The following IL1RAPL1 variants were observed in gnomAD, a reference collection of about 807,000 sequenced individuals.
IL1RAPL1 encodes interleukin 1 receptor accessory protein like 1.
Under a neutral mutation model 48.4 loss-of-function variants are expected in IL1RAPL1, and 3 were observed. The ratio of observed to expected loss-of-function variants is 0.06; its 90% confidence interval spans 0.03 to 0.16. The LOEUF is 0.16. IL1RAPL1 is among the 10% of genes least tolerant of loss of function. IL1RAPL1 has a pLI of 1.00. For missense variants in IL1RAPL1, 349 were observed against 530.6 expected, an observed-to-expected ratio of 0.66 and a Z score of 3.36; for synonymous variants, 185 against 187.7, an observed-to-expected ratio of 0.99 and a Z score of 0.12.
At chrX:29,620,151 C>G (rs781560739) in intron 5 of IL1RAPL1, among the ~76,000 whole-genome samples, 20 of 111,662 alleles carry the variant, frequency 1.8e-4, no homozygotes, top group African/African-American at 5.8e-4. Flanking sequence ...CTTATCATAT[C>G]AAAATTTCTC....
At chrX:29,313,680 C>T (rs1009385291) in intron 3 of IL1RAPL1, among the ~76,000 whole-genome samples, 1 of 111,625 alleles carries the variant, frequency 9.0e-6, no homozygotes, top group African/African-American at 3.3e-5. Flanking sequence ...ATTAGGGAGG[C>T]AATGCATAGT....
chrX:29,894,296 G>A (rs748229058), intron 6 of IL1RAPL1, among the ~76,000 whole-genome samples: 8 of 112,124 alleles, frequency 7.1e-5, no homozygotes, highest in East Asian at 2.8e-4. Flanking sequence ...GAGAAAGAAC[G>A]TTGAAAATTC....
chrX:28,809,678 G>A (rs5985914), intron 2 of IL1RAPL1, among the ~76,000 whole-genome samples: 8,703 of 110,148 alleles, frequency 0.079, 590 homozygotes, highest in African/African-American at 0.22. Context: ...AGAATTAGCC[G>A]TGGCCCCTTA....
intron 3 of IL1RAPL1, among the ~76,000 whole-genome samples, chrX:29,297,965 A>G (rs774166514): frequency 1.4e-4 from 16 of 111,988 alleles, no homozygotes; most frequent in African/African-American, 3.2e-5. Flanking sequence ...CTGTGTTTCT[A>G]TTCTTGACTC....
intron 2 of IL1RAPL1, among the ~76,000 whole-genome samples, chrX:29,113,110 C>A (rs150712763): frequency 0.011 from 1,270 of 111,710 alleles, 9 homozygotes; most frequent in Non-Finnish European, 0.017. Flanking sequence ...CGTGCCCAGT[C>A]AGCATGTCAA....
At position 29,956,108 on chromosome X, in the gene IL1RAPL1, A is replaced by T; in HGVS notation, c.*288A>T. The T allele has an allele frequency of 3.2e-6, 1 of 309,038 alleles. No homozygotes were observed. The highest frequency in any genetic ancestry group is 5.6e-6 in the Non-Finnish European group (1 of 178,235). 25.5% of individuals were successfully genotyped at this position (309,038 alleles called of 1,213,427 possible). A position where few individuals can be genotyped will look rare whatever the true frequency, so the allele number is the denominator to read the frequency against. On this transcript the variant is annotated 3_prime_UTR_variant, in exon 11 of 11. Coordinates refer to ENST00000378993, the MANE Select transcript of IL1RAPL1 (RefSeq NM_014271.4). ...GAAGAGACTGATGTGTAGATAGAAA[A>T]CCCTTTTTTTGCTTCATTAGTTTAG...
chrX:29,615,451 G>T (rs751608813), intron 5 of IL1RAPL1, among the ~76,000 whole-genome samples: 1 of 110,886 alleles, frequency 9.0e-6, no homozygotes, highest in Non-Finnish European at 1.9e-5. Flanking sequence ...GGAGAAAAAA[G>T]TTCTCTGCTA....
intron 6 of IL1RAPL1, among the ~76,000 whole-genome samples, chrX:29,669,962 A>G (rs2147100621): frequency 9.0e-6 from 1 of 111,526 alleles, no homozygotes; most frequent in Non-Finnish European, 1.9e-5. Flanking sequence ...TCATAGGAAG[A>G]TGTATTTCTA....
intron 2 of IL1RAPL1, among the ~76,000 whole-genome samples, chrX:29,167,484 A>G (rs1929809380): frequency 9.1e-6 from 1 of 110,241 alleles, no homozygotes; most frequent in East Asian, 2.8e-4. Flanking sequence ...CCTGTCTTTT[A>G]AATTGCATTT....
At chrX:29,014,388 TG>T in intron 2 of IL1RAPL1, among the ~76,000 whole-genome samples, 1 of 111,724 alleles carries the variant, frequency 9.0e-6, no homozygotes, top group East Asian at 2.8e-4. Context: ...TCTAACTTTT[TG>T]AAGTCCCCTA....
At chrX:29,667,385 T>A (rs1926028106) in intron 5 of IL1RAPL1, among the ~76,000 whole-genome samples, 1 of 112,467 alleles carries the variant, frequency 8.9e-6, no homozygotes, top group African/African-American at 3.2e-5. Context: ...CTCTTGGCAA[T>A]TCTGCCTAGA....
intron 1 of IL1RAPL1, among the ~76,000 whole-genome samples, chrX:28,615,033 T>C (rs763015979): frequency 5.6e-4 from 61 of 109,191 alleles, no homozygotes; most frequent in African/African-American, 1.7e-3. Flanking sequence ...GGACTACAGG[T>C]GCCCGCCACC....
At chrX:29,372,832 A>G (rs1266278824) in intron 3 of IL1RAPL1, among the ~76,000 whole-genome samples, 7 of 70,870 alleles carry the variant, frequency 9.9e-5, no homozygotes, top group Non-Finnish European at 2.5e-5. Flanking sequence ...CTGTAGCCTT[A>G]TGGTATAGTT....
intron 2 of IL1RAPL1, among the ~76,000 whole-genome samples, chrX:29,123,499 G>A (rs1468286783): frequency 8.9e-6 from 1 of 112,029 alleles, no homozygotes; most frequent in East Asian, 2.8e-4. Flanking sequence ...CTAATAAATG[G>A]CATTATGACG....
At chrX:29,804,138 A>G (rs781694684) in intron 6 of IL1RAPL1, among the ~76,000 whole-genome samples, 1 of 111,503 alleles carries the variant, frequency 9.0e-6, no homozygotes, top group South Asian at 3.7e-4. Flanking sequence ...TGTGTCTACC[A>G]CTTTTATTTG....
intron 2 of IL1RAPL1, among the ~76,000 whole-genome samples, chrX:29,197,286 A>C (rs918410250): frequency 9.8e-5 from 11 of 111,901 alleles, no homozygotes; most frequent in African/African-American, 3.6e-4. Context: ...ATTGTAACCA[A>C]GGCTTGATTT....
At chrX:28,839,516 A>T (rs895720176) in intron 2 of IL1RAPL1, among the ~76,000 whole-genome samples, 2 of 110,573 alleles carry the variant, frequency 1.8e-5, no homozygotes, top group Admixed American at 1.9e-4. Context: ...ATATTTTAAA[A>T]TAATAATTAC....
chrX:28,959,476 A>G (rs1040804584), intron 2 of IL1RAPL1, among the ~76,000 whole-genome samples: 2 of 112,001 alleles, frequency 1.8e-5, no homozygotes, highest in Non-Finnish European at 3.8e-5. Flanking sequence ...TCATCCACTT[A>G]TCACCAATAT....
At chrX:28,803,199 G>A (rs1196600497) in intron 2 of IL1RAPL1, among the ~76,000 whole-genome samples, 4 of 111,571 alleles carry the variant, frequency 3.6e-5, no homozygotes, top group African/African-American at 1.3e-4. Flanking sequence ...CTGTCATTAA[G>A]GTCTTGTCAT....
Sources: gnomAD v4.1 joint callset for allele counts (sites outside exome capture counted in the v4.1 genomes callset) on GRCh38, gnomAD v4.1.1 for gene constraint, MANE v1.5 for transcripts, NCBI Gene and HGNC (gene_info 2026-07-23, HGNC 2026-07-21) for gene names.